The following PLPP1 variants were observed in gnomAD, a reference collection of about 807,000 sequenced individuals.
PLPP1 encodes lipid phosphate phosphohydrolase 1a.
In PLPP1, 24 loss-of-function variants were observed where a neutral mutation model predicts 31.2. The ratio of observed to expected loss-of-function variants is 0.77; its 90% CI spans 0.56 to 1.08. The LOEUF is 1.08. Ranked by LOEUF, PLPP1 falls within the 50% of genes least tolerant of loss-of-function variation. The pLI is 0.00. For synonymous variants in PLPP1, 146 were observed against 126.3 expected (o/e 1.16, Z -1.05); for missense variants, 319 against 342.7 (o/e 0.93, Z 0.55).
At chr5:55,468,341 A>G (rs560748039) in intron 2 of PLPP1, 192 bp from the exon 3 acceptor site, 138 of 524,010 alleles carry the variant, frequency 2.6e-4, no homozygotes, top group African/African-American at 2.1e-3. Flanking sequence ...AACAGGTGTC[A>G]TATCAATGGT....
intron 2 of PLPP1, 143 bp from the exon 3 acceptor site, chr5:55,468,292 A>G (rs921798952): frequency 1.4e-5 from 10 of 700,876 alleles, no homozygotes; most frequent in Non-Finnish European, 1.6e-5. Flanking sequence ...TTTCTTTACA[A>G]TGGAGAGTCA....
chr5:55,468,674 G>A (rs1253030693), intron 2 of PLPP1, among the ~76,000 whole-genome samples: 2 of 152,054 alleles, frequency 1.3e-5, no homozygotes, highest in African/African-American at 2.4e-5. Flanking sequence ...ATGAAGGTGG[G>A]TGCCTGTAAT....
At chr5:55,526,690 T>C (rs1317514149) in intron 1 of PLPP1, among the ~76,000 whole-genome samples, 1 of 152,140 alleles carries the variant, frequency 6.6e-6, no homozygotes, top group Non-Finnish European at 1.5e-5. Flanking sequence ...CCCAGCACTT[T>C]GGGAGGCCGA....
At position 55,425,026 on chromosome 5, in the gene PLPP1, A is replaced by G; in HGVS notation, c.*180T>C. On this transcript the variant is annotated 3_prime_UTR_variant, in exon 6 of 6. Transcript: ENST00000307259. ...GAGTTTTTTTAATGAGTTTAGAGCTATTAGATAACCACTGAGTTAAAGGTA... is the reference window on the plus strand; with the variant it reads ...GAGTTTTTTTAATGAGTTTAGAGCTGTTAGATAACCACTGAGTTAAAGGTA... 1.2e-6 allele frequency: 1 copy of G among 841,624 alleles called. No individual in the cohort carries two copies. Among genetic ancestry groups the G allele is most frequent in the Middle Eastern group, 3.6e-4 (1 of 2,778 alleles). The allele number at this position is 841,624 out of a possible 1,614,324, so 52.1% of individuals were successfully genotyped here.
chr5:55,453,271 A>C (rs1751932615), intron 3 of PLPP1, among the ~76,000 whole-genome samples: 2 of 152,202 alleles, frequency 1.3e-5, no homozygotes, highest in African/African-American at 4.8e-5. Flanking sequence ...TCATGTAATT[A>C]AATGCTATAT....
Position 55,425,849 on chromosome 5 carries a change from A to G in PLPP1, c.726+14T>C. On this transcript the variant is annotated intron_variant, in intron 5 of 5. Transcript: ENST00000307259. The stretch of plus-strand genomic sequence containing the variant: ...AGCAATATCAAGATGTAGGCTGTTG[A>G]CCTGTATACTTACAACTAATATTGC... 6.4e-7 allele frequency: 1 copy of G among 1,566,242 alleles called. No individual in the cohort carries two copies. Among genetic ancestry groups the G allele is most frequent in the African/African-American group, 1.4e-5 (1 of 72,718 alleles).
intron 4 of PLPP1, among the ~76,000 whole-genome samples, chr5:55,426,562 C>T (rs958347626): frequency 1.0e-5 from 1 of 96,034 alleles, no homozygotes; most frequent in African/African-American, 3.8e-5. Context: ...TCACTGAGCC[C>T]AGCTAATTGG....
chr5:55,486,640 C>T (rs1451069655), intron 1 of PLPP1, among the ~76,000 whole-genome samples: 2 of 150,158 alleles, frequency 1.3e-5, no homozygotes, highest in Admixed American at 6.7e-5. Context: ...CTTGGTCGGG[C>T]GCCGTGGCTC....
intron 2 of PLPP1, among the ~76,000 whole-genome samples, chr5:55,470,982 T>C (rs1023908976): frequency 1.3e-5 from 2 of 152,164 alleles, no homozygotes; most frequent in Admixed American, 6.5e-5. Flanking sequence ...TCTCTTATCA[T>C]CCCCTTTAAA....
intron 1 of PLPP1, among the ~76,000 whole-genome samples, chr5:55,505,965 G>A (rs1401467268): frequency 6.6e-6 from 1 of 152,218 alleles, no homozygotes; most frequent in Non-Finnish European, 1.5e-5. Context: ...GCTGAGGCAG[G>A]AGAATCGCTT....
At chr5:55,464,281 G>A (rs1032626686) in intron 3 of PLPP1, among the ~76,000 whole-genome samples, 1 of 149,102 alleles carries the variant, frequency 6.7e-6, no homozygotes, top group Non-Finnish European at 1.5e-5. Flanking sequence ...TGTCACCCAG[G>A]CTGGCATGAT....
intron 4 of PLPP1, 58 bp downstream of exon 4, chr5:55,441,793 G>A: frequency 1.3e-6 from 2 of 1,533,534 alleles, no homozygotes; most frequent in South Asian, 1.1e-5. Context: ...CACTGATGCT[G>A]AGCACATTAA....
intron 1 of PLPP1, chr5:55,490,900 A>C: frequency 6.6e-7 from 1 of 1,518,298 alleles, no homozygotes; most frequent in African/African-American, 1.4e-5. Context: ...CCCCAACTCC[A>C]TGCTTCATCC....
At chr5:55,522,985 T>C (rs1753704805) in intron 1 of PLPP1, among the ~76,000 whole-genome samples, 3 of 152,222 alleles carry the variant, frequency 2.0e-5, no homozygotes, top group Admixed American at 6.5e-5. Context: ...CCCAAAGTGC[T>C]GGGATTATAG....
intron 1 of PLPP1, among the ~76,000 whole-genome samples, chr5:55,505,244 A>C (rs1040268326): frequency 6.6e-6 from 1 of 152,100 alleles, no homozygotes; most frequent in Non-Finnish European, 1.5e-5. Context: ...AACTAAAGTC[A>C]CTTTTAGTAT....
At chr5:55,470,440 T>C (rs1178954319) in intron 2 of PLPP1, among the ~76,000 whole-genome samples, 1 of 152,216 alleles carries the variant, frequency 6.6e-6, no homozygotes, top group Non-Finnish European at 1.5e-5. Flanking sequence ...ACCCAAATCC[T>C]GGCTCTTGCC....
chr5:55,461,100 G>A (rs1752145368), intron 3 of PLPP1, among the ~76,000 whole-genome samples: 1 of 152,116 alleles, frequency 6.6e-6, no homozygotes, highest in African/African-American at 2.4e-5. Context: ...GGAAGCTAAG[G>A]TGGGAAGATC....
At chr5:55,534,498 C>T (rs536900642) in intron 1 of PLPP1, 74 bp downstream of exon 1, 48 of 1,418,208 alleles carry the variant, frequency 3.4e-5, no homozygotes, top group Non-Finnish European at 4.4e-5. Context: ...ACCCCCGCTG[C>T]CCGTCGCGGC....
intron 3 of PLPP1, among the ~76,000 whole-genome samples, chr5:55,453,534 G>T (rs961336952): frequency 5.9e-5 from 9 of 152,188 alleles, no homozygotes; most frequent in Non-Finnish European, 1.2e-4. Flanking sequence ...AATAATGTGT[G>T]CAAAATGCCT....
Sources: gnomAD v4.1 joint callset for allele counts (sites outside exome capture counted in the v4.1 genomes callset) on GRCh38, gnomAD v4.1.1 for gene constraint, MANE v1.5 for transcripts, NCBI Gene and HGNC (gene_info 2026-07-23, HGNC 2026-07-21) for gene names.